The following KIF26B variants were observed in gnomAD, a reference collection of about 807,000 sequenced individuals.
The protein encoded by KIF26B is kinesin family member 26B.
In KIF26B, 63 loss-of-function variants were observed where a neutral mutation model predicts 151.2. The ratio of observed to expected loss-of-function variants is 0.42; its 90% CI spans 0.34 to 0.51. KIF26B has a LOEUF of 0.51. Among genes scored for constraint, KIF26B ranks in the 20% least tolerant of loss-of-function variants. The pLI, the probability that KIF26B is intolerant of heterozygous loss-of-function variation, is 0.07. For missense variants in KIF26B, 2,813 were observed against 2,913.6 expected, an observed-to-expected ratio of 0.97 and a Z score of 0.79; for synonymous variants, 1,357 against 1,262.1, an observed-to-expected ratio of 1.08 and a Z score of -1.59.
intron 2 of KIF26B, among the ~76,000 whole-genome samples, chr1:245,246,902 C>CACAG (rs1670342319): frequency 6.8e-6 from 1 of 147,564 alleles, no homozygotes; most frequent in East Asian, 2.0e-4. Flanking sequence ...CAGACACACA[C>CACAG]ACACAGACAC....
chr1:245,274,022 C>T (rs777653229), intron 2 of KIF26B, among the ~76,000 whole-genome samples: 18 of 151,878 alleles, frequency 1.2e-4, no homozygotes, highest in East Asian at 9.7e-4. Flanking sequence ...TGTTGTGTAT[C>T]GCCTATAGAT....
At chr1:245,205,744 G>C (rs555069331) in intron 2 of KIF26B, among the ~76,000 whole-genome samples, 2 of 138,806 alleles carry the variant, frequency 1.4e-5, no homozygotes, top group South Asian at 2.3e-4. Flanking sequence ...ATAGGGTCTC[G>C]TTCTGTTGCC....
intron 3 of KIF26B, among the ~76,000 whole-genome samples, chr1:245,403,751 T>C (rs2103028240): frequency 6.6e-6 from 1 of 152,362 alleles, no homozygotes; most frequent in South Asian, 2.1e-4. Flanking sequence ...CTTCTGGTGT[T>C]AAGCCCTGTG....
rs1417027422 is a variant in KIF26B at position 245,250,936 on chromosome 1, T to TA, written c.465+94258dup. ...TACTCACAGCAAAGACTTATTACAG[T>TA]AAAAAGATATAAAGCAAAATTAGCC... On this transcript the variant is annotated intron_variant, in intron 2 of 14. Coordinates refer to ENST00000407071, the MANE Select transcript of KIF26B (RefSeq NM_018012.4). Among the ~76,000 whole-genome samples, 13 of 152,200 alleles carry TA rather than the reference T, an allele frequency of 8.5e-5. No individual in the cohort carries two copies. In the East Asian group the frequency reaches 9.7e-4, roughly 11 times the overall value.
intron 4 of KIF26B, among the ~76,000 whole-genome samples, chr1:245,445,591 T>A (rs1409466268): frequency 2.0e-5 from 3 of 152,218 alleles, no homozygotes; most frequent in Admixed American, 6.5e-5. Context: ...CATAGGCTAT[T>A]CTATTTTTGT....
At chr1:245,265,257 A>G (rs1354055573) in intron 2 of KIF26B, among the ~76,000 whole-genome samples, 1 of 152,026 alleles carries the variant, frequency 6.6e-6, no homozygotes, top group Admixed American at 6.6e-5. Context: ...TTATGAAGCA[A>G]TAAATAGTTA....
intron 4 of KIF26B, among the ~76,000 whole-genome samples, chr1:245,438,712 A>C (rs1056032687): frequency 6.6e-6 from 1 of 152,256 alleles, no homozygotes; most frequent in Non-Finnish European, 1.5e-5. Flanking sequence ...GATACTCTTC[A>C]GAATCCTCAA....
chr1:245,270,582 A>G (rs4658737), intron 2 of KIF26B, among the ~76,000 whole-genome samples: 74,924 of 151,828 alleles, frequency 0.49, 18,783 homozygotes, highest in East Asian at 0.61. Flanking sequence ...AGAAAGGTCT[A>G]TTTAGGTCCT....
intron 5 of KIF26B, among the ~76,000 whole-genome samples, chr1:245,598,770 C>G (rs1160442112): frequency 1.3e-5 from 2 of 152,146 alleles, no homozygotes; most frequent in African/African-American, 2.4e-5. Context: ...CAACTGCTGT[C>G]CAGAGCAACA....
chr1:245,379,377 G>A (rs116174122), intron 3 of KIF26B, among the ~76,000 whole-genome samples: 1,957 of 152,186 alleles, frequency 0.013, 27 homozygotes, highest in Middle Eastern at 0.044. Flanking sequence ...AAATTTTACA[G>A]CGTAGTGGAC....
At chr1:245,394,465 A>T (rs1203475346) in intron 3 of KIF26B, among the ~76,000 whole-genome samples, 1 of 152,018 alleles carries the variant, frequency 6.6e-6, no homozygotes, top group African/African-American at 2.4e-5. Flanking sequence ...TGTACTAAAA[A>T]TATAAAAATT....
chr1:245,342,548 G>GGTTTTT (rs146945832), intron 2 of KIF26B, among the ~76,000 whole-genome samples: 1 of 147,774 alleles, frequency 6.8e-6, no homozygotes, highest in Non-Finnish European at 1.5e-5. Flanking sequence ...AGTCAATTCT[G>GGTTTTT]GTTTTTGTTT....
chr1:245,169,290 C>T (rs990913342), intron 2 of KIF26B, among the ~76,000 whole-genome samples: 5 of 150,990 alleles, frequency 3.3e-5, no homozygotes, highest in South Asian at 4.2e-4. Context: ...TTCTTTGCCC[C>T]TAAGTTTGTC....
chr1:245,565,674 T>C (rs771398147), intron 5 of KIF26B, among the ~76,000 whole-genome samples: 19 of 152,224 alleles, frequency 1.2e-4, no homozygotes, highest in Non-Finnish European at 2.6e-4. Context: ...ATGACATTAG[T>C]ACTAACCATT....
At chr1:245,184,153 T>C (rs912231813) in intron 2 of KIF26B, among the ~76,000 whole-genome samples, 8 of 147,350 alleles carry the variant, frequency 5.4e-5, no homozygotes, top group African/African-American at 1.8e-4. Flanking sequence ...GGAAGTGAGA[T>C]GCTAGACTTA....
At chr1:245,491,725 T>C (rs1404110123) in intron 4 of KIF26B, among the ~76,000 whole-genome samples, 1 of 152,056 alleles carries the variant, frequency 6.6e-6, no homozygotes, top group Admixed American at 6.6e-5. Flanking sequence ...CTGGCCAACA[T>C]AGTGAAACCC....
chr1:245,436,721 A>C (rs1658942659), intron 4 of KIF26B, among the ~76,000 whole-genome samples: 1 of 152,170 alleles, frequency 6.6e-6, no homozygotes, highest in South Asian at 2.1e-4. Flanking sequence ...TTGACAAAAC[A>C]ACTGGACACC....
At chr1:245,458,883 A>G (rs923124621) in intron 4 of KIF26B, among the ~76,000 whole-genome samples, 2 of 152,188 alleles carry the variant, frequency 1.3e-5, no homozygotes, top group Admixed American at 6.5e-5. Context: ...GTTAGGAGAG[A>G]TGTTAGCGTC....
chr1:245,339,129 C>T (rs952221734), intron 2 of KIF26B, among the ~76,000 whole-genome samples: 2 of 152,034 alleles, frequency 1.3e-5, no homozygotes, highest in Non-Finnish European at 2.9e-5. Flanking sequence ...AGGCCTGTGC[C>T]ACCACGCCTG....
Sources: allele counts gnomAD v4.1 joint callset (sites outside exome capture counted in the v4.1 genomes callset), GRCh38; gene constraint gnomAD v4.1.1; transcripts MANE v1.5; gene names NCBI Gene and HGNC (gene_info 2026-07-23, HGNC 2026-07-21).